SASH1: variants seen among roughly 807,000 people sequenced by gnomAD.
SASH1 encodes the protein SAM and SH3 domain containing 1, also known as SAM and SH3 domain-containing protein 1.
In SASH1, 44 loss-of-function variants were observed where a neutral mutation model predicts 125.2. That is an observed-to-expected ratio of 0.35 (90% confidence interval 0.28 to 0.45). The LOEUF is 0.45. Ranked by LOEUF, SASH1 falls within the 20% of genes least tolerant of loss-of-function variation. The pLI, the probability that SASH1 is intolerant of heterozygous loss-of-function variation, is 1.00. For synonymous variants in SASH1, 639 were observed against 649.1 expected, an observed-to-expected ratio of 0.98 and a Z score of 0.24; for missense variants, 1,426 against 1,614.5, an observed-to-expected ratio of 0.88 and a Z score of 2.00.
At chr6:148,395,484 A>G (rs1583080078) in intron 2 of SASH1, among the ~76,000 whole-genome samples, 1 of 152,194 alleles carries the variant, frequency 6.6e-6, no homozygotes, top group Admixed American at 6.5e-5. Flanking sequence ...CATTTGATAA[A>G]GTGTCTTTGG....
rs117878916 is a variant in SASH1, at chr6:148,280,119, C to T, written n.74+7742C>T. Among the ~76,000 whole-genome samples the T allele has an allele frequency of 4.4e-3, 638 of 144,416 alleles. 2 individuals carry two copies. The highest frequency in any genetic ancestry group is 7.9e-3 in the Admixed American group (106 of 13,474). The allele number at this position is 144,416 out of a possible 152,430, so 94.7% of individuals were successfully genotyped here. On this transcript the variant is annotated intron_variant and non_coding_transcript_variant, in intron 1 of 3. Transcript: ENST00000367469. ...AAAAAAAGATTGTGTATTTTCAACA[C>T]GGCAAGGATTGTTCTTGTGCTTGGT...
chr6:148,357,492 C>T (rs1470233884), intron 1 of SASH1, among the ~76,000 whole-genome samples: 2 of 152,304 alleles, frequency 1.3e-5, no homozygotes, highest in African/African-American at 2.4e-5. Flanking sequence ...GAAAGTCTCC[C>T]ACAGTCTGGG....
chr6:148,383,471 G>T (rs1033573165), intron 1 of SASH1, among the ~76,000 whole-genome samples: 1 of 152,106 alleles, frequency 6.6e-6, no homozygotes, highest in Non-Finnish European at 1.5e-5. Flanking sequence ...TCAGCAGTCT[G>T]TCTTTCTCTC....
intron 8 of SASH1, among the ~76,000 whole-genome samples, chr6:148,505,524 T>A (rs200812509): frequency 1.3e-5 from 2 of 152,206 alleles, no homozygotes; most frequent in Non-Finnish European, 2.9e-5. Context: ...TTGGCCAGGC[T>A]GGTCTTGAAC....
At chr6:148,459,810 C>A (rs1017174337) in intron 4 of SASH1, among the ~76,000 whole-genome samples, 6 of 152,164 alleles carry the variant, frequency 3.9e-5, no homozygotes, top group African/African-American at 1.4e-4. Flanking sequence ...TCTAAAAATT[C>A]TATGTGATCG....
chr6:148,294,103 G>A (rs1420165241), intron 1 of SASH1, among the ~76,000 whole-genome samples: 4 of 152,284 alleles, frequency 2.6e-5, no homozygotes, highest in South Asian at 4.1e-4. Flanking sequence ...GGCTGGCCCC[G>A]CCACCCAAAG....
At chr6:148,296,477 G>A (rs1562311149) in intron 1 of SASH1, among the ~76,000 whole-genome samples, 1 of 152,134 alleles carries the variant, frequency 6.6e-6, no homozygotes, top group Non-Finnish European at 1.5e-5. Flanking sequence ...ATTTAAAGTA[G>A]TAGACTTACT....
chr6:148,290,964 C>T (rs1779617807), intron 1 of SASH1, among the ~76,000 whole-genome samples: 1 of 149,046 alleles, frequency 6.7e-6, no homozygotes. Context: ...TAAAAGGCAT[C>T]TTTTCTTAAT....
At chr6:148,534,231 A>T (rs574081996) in intron 15 of SASH1, among the ~76,000 whole-genome samples, 1 of 152,266 alleles carries the variant, frequency 6.6e-6, no homozygotes, top group Non-Finnish European at 1.5e-5. Context: ...CTGCTGGAAG[A>T]GCTGTAGGCA....
At chr6:148,406,034 T>C (rs1278645809) in intron 2 of SASH1, among the ~76,000 whole-genome samples, 2 of 152,224 alleles carry the variant, frequency 1.3e-5, no homozygotes, top group African/African-American at 4.8e-5. Flanking sequence ...AGATGTGCCC[T>C]GTGCCTATGC....
At chr6:148,394,253 C>T (rs1264359832) in intron 2 of SASH1, among the ~76,000 whole-genome samples, 1 of 152,116 alleles carries the variant, frequency 6.6e-6, no homozygotes, top group Admixed American at 6.6e-5. Context: ...AATTCTAAAA[C>T]TGGCAAGGAT....
At chr6:148,311,322 A>G (rs758066253) in intron 1 of SASH1, among the ~76,000 whole-genome samples, 187 of 151,594 alleles carry the variant, frequency 1.2e-3, no homozygotes, top group Non-Finnish European at 2.2e-3. Context: ...GGCCAGGCTC[A>G]TCTCAAACTC....
In SASH1 at chr6:148,431,651, A is replaced by G. The variant is rs139370704; in HGVS notation, c.286-8533A>G. On this transcript the variant is annotated intron_variant, in intron 2 of 19. Transcript: ENST00000367467. ...GGATCTACATGCCTGACCGCCCTGC[A>G]CTAGTCCATGTGTTGACTGCTGGAG... 5.6e-3 allele frequency among the ~76,000 whole-genome samples: 854 copies of G among 151,572 alleles called. 5 individuals carry two copies. Among genetic ancestry groups the G allele is most frequent in the Non-Finnish European group, 8.9e-3 (608 of 67,946 alleles).
chr6:148,511,039 C>T (rs1421080774), intron 8 of SASH1, among the ~76,000 whole-genome samples: 1 of 150,916 alleles, frequency 6.6e-6, no homozygotes, highest in Non-Finnish European at 1.5e-5. Context: ...TTATTTTCAG[C>T]ATTTGGGAAG....
chr6:148,257,232 T>C, the SASH1 span, among the ~76,000 whole-genome samples: 1 of 152,166 alleles, frequency 6.6e-6, no homozygotes, highest in South Asian at 2.1e-4. Context: ...TCTTAAACCT[T>C]ATGGATTGAG....
chr6:148,487,913 G>GTTTTTTTTTTTT (rs1338219650), intron 8 of SASH1, among the ~76,000 whole-genome samples, 198 bp downstream of exon 8: 1 of 148,066 alleles, frequency 6.8e-6, no homozygotes, highest in African/African-American at 2.5e-5. Flanking sequence ...TCATGCTGGG[G>GTTTTTTTTTTTT]TTTTGTTTTT....
chr6:148,337,560 C>T (rs190827347), intron 1 of SASH1, among the ~76,000 whole-genome samples: 10 of 152,194 alleles, frequency 6.6e-5, no homozygotes, highest in Admixed American at 5.2e-4. Flanking sequence ...CGAGGTTTCA[C>T]CATGTTGGCC....
intron 1 of SASH1, among the ~76,000 whole-genome samples, chr6:148,324,129 A>AAAAAAAC: frequency 6.7e-6 from 1 of 149,956 alleles, no homozygotes; most frequent in South Asian, 2.1e-4. Flanking sequence ...AAAAAAAAAA[A>AAAAAAAC]AAAAAAACAA....
At chr6:148,489,376 A>T (rs1470001930) in intron 8 of SASH1, among the ~76,000 whole-genome samples, 2 of 152,184 alleles carry the variant, frequency 1.3e-5, no homozygotes, top group African/African-American at 4.8e-5. Flanking sequence ...ATAGCTTTAT[A>T]GTAAGTTTTG....
Sources: gnomAD v4.1 joint callset for allele counts (sites outside exome capture counted in the v4.1 genomes callset) on GRCh38, gnomAD v4.1.1 for gene constraint, MANE v1.5 for transcripts, NCBI Gene and HGNC (gene_info 2026-07-23, HGNC 2026-07-21) for gene names.